Variants in CAT observed in about 807,000 individuals in gnomAD.
CAT encodes the protein catalase.
Under a neutral mutation model 59.0 loss-of-function variants are expected in CAT, and 43 were observed. The ratio of observed to expected loss-of-function variants is 0.73; its 90% CI spans 0.57 to 0.94. The LOEUF (loss-of-function observed/expected upper bound fraction) is 0.94, where lower values mean the gene tolerates loss of function less well. Among genes scored for constraint, CAT ranks in the 40% least tolerant of loss-of-function variants. The probability of loss-of-function intolerance (pLI) is 0.00; values close to 1 mark genes in which losing one functional copy is unlikely to be tolerated. For synonymous variants in CAT, 218 were observed against 230.9 expected, an observed-to-expected ratio of 0.94 and a Z score of 0.51; for missense variants, 664 against 682.9, an observed-to-expected ratio of 0.97 and a Z score of 0.31.
chr11:34,459,999 T>C (rs944295473), intron 8 of CAT, among the ~76,000 whole-genome samples: 1 of 152,240 alleles, frequency 6.6e-6, no homozygotes, highest in African/African-American at 2.4e-5. Context: ...ACACTGGGAC[T>C]GGATTAAGTC....
intron 1 of CAT, among the ~76,000 whole-genome samples, chr11:34,439,458 C>A (rs903605521): frequency 6.6e-6 from 1 of 152,104 alleles, no homozygotes; most frequent in Non-Finnish European, 1.5e-5. Context: ...TCTAATGGTG[C>A]CCTTCTTGAA....
rs1314774347 is a variant in CAT at position 34,452,181 on chromosome 11, A to G, written c.454A>G (p.Ile152Val). The G allele has an allele frequency of 1.9e-6, 3 of 1,613,518 alleles. No individual in the cohort carries two copies. Among genetic ancestry groups the G allele is most frequent in the African/African-American group, 1.3e-5 (1 of 74,788 alleles). ...NWDLVGNNTP[I>V]FFIRDPILFP... Reference sequence around the variant, plus strand: ...GGATCTCGTTGGAAATAACACCCCCATTTTCTTCATCAGGGATCCCATATT... The same window carrying G: ...GGATCTCGTTGGAAATAACACCCCCGTTTTCTTCATCAGGGATCCCATATT... The change falls in exon 4 of 13, where the codon ATT becomes GTT. Residue 152 changes from isoleucine to valine, a missense_variant. Transcript: ENST00000241052.
chr11:34,471,147 C>A, intron 12 of CAT, 106 bp downstream of exon 12: 1 of 1,007,620 alleles, frequency 9.9e-7, no homozygotes, highest in Non-Finnish European at 1.6e-6. Flanking sequence ...CATTACCTGC[C>A]ACTGTTAGAT....
intron 2 of CAT, among the ~76,000 whole-genome samples, chr11:34,449,876 G>C (rs1419250851): frequency 2.6e-5 from 4 of 152,218 alleles, no homozygotes; most frequent in African/African-American, 9.6e-5. Context: ...GCTTATTCCA[G>C]TTCAAGGTGG....
intron 2 of CAT, among the ~76,000 whole-genome samples, chr11:34,449,646 C>T (rs934332140): frequency 6.6e-6 from 1 of 152,172 alleles, no homozygotes; most frequent in African/African-American, 2.4e-5. Flanking sequence ...TCAATAGGTT[C>T]TTGGAAACTT....
At chr11:34,459,901 C>T (rs374640102) in intron 8 of CAT, among the ~76,000 whole-genome samples, 13 of 152,254 alleles carry the variant, frequency 8.5e-5, no homozygotes, top group African/African-American at 2.4e-4. Flanking sequence ...TGGTCATGGC[C>T]GCATGGCTAG....
rs982470388 is a variant in CAT, at chr11:34,462,661, AC to A, written c.1195+1275del. 6.6e-5 allele frequency among the ~76,000 whole-genome samples: 10 copies of A among 151,932 alleles called. 1 individual carries two copies. Among genetic ancestry groups the A allele is most frequent in the Admixed American group, 6.6e-4 (10 of 15,254 alleles). On this transcript the variant is annotated intron_variant, in intron 9 of 12. Transcript: ENST00000241052. Reference sequence around the variant, plus strand: ...CTGAACTCTTGACCTCAGGTGACCCACCCACTTTGGCCCCCCAAAGTGCTGA... The same window carrying A: ...CTGAACTCTTGACCTCAGGTGACCCACCACTTTGGCCCCCCAAAGTGCTGA...
intron 8 of CAT, among the ~76,000 whole-genome samples, chr11:34,457,152 G>A (rs1856600275): frequency 1.4e-5 from 2 of 146,154 alleles, no homozygotes; most frequent in African/African-American, 5.0e-5. Context: ...TGTAGCTGAA[G>A]TATGGTTAAT....
chr11:34,448,552 T>A (rs1436966251), intron 1 of CAT, among the ~76,000 whole-genome samples: 2 of 152,214 alleles, frequency 1.3e-5, no homozygotes, highest in Non-Finnish European at 2.9e-5. Context: ...TTTATTACAG[T>A]AAAATAACCT....
At chr11:34,450,101 G>A (rs1047805434) in intron 2 of CAT, among the ~76,000 whole-genome samples, 1 of 151,696 alleles carries the variant, frequency 6.6e-6, no homozygotes, top group East Asian at 2.0e-4. Context: ...ACAGATGGTG[G>A]CCTCAGCTAG....
At position 34,453,069 on chromosome 11, in the gene CAT, T is replaced by C. The variant is rs757932115; in HGVS notation, c.481-21T>C. The C allele has an allele frequency of 8.6e-6, 13 of 1,506,292 alleles. No individual in the cohort carries two copies. In the South Asian group the frequency reaches 1.4e-4, roughly 16 times the overall value. 93.3% of individuals were successfully genotyped at this position (1,506,292 alleles called of 1,614,324 possible). A position where few individuals can be genotyped will look rare whatever the true frequency, so the allele number is the denominator to read the frequency against. ...CTGTAAACTTAGTTTTTGGATTTTT[T>C]TCTCTCTTTTTTCTATTTAGTTTCC... On this transcript the variant is annotated intron_variant, in intron 4 of 12. Coordinates refer to ENST00000241052, the MANE Select transcript of CAT (RefSeq NM_001752.4).
At chr11:34,462,709 C>T (rs1025599948) in intron 9 of CAT, among the ~76,000 whole-genome samples, 7 of 152,152 alleles carry the variant, frequency 4.6e-5, no homozygotes, top group Non-Finnish European at 7.4e-5. Context: ...TGAGCCACCG[C>T]GCCTGGCTTG....
chr11:34,445,101 A>T (rs1590298732), intron 1 of CAT, among the ~76,000 whole-genome samples: 1 of 152,294 alleles, frequency 6.6e-6, no homozygotes, highest in African/African-American at 2.4e-5. Flanking sequence ...TGCATGCTGA[A>T]TCCACACACA....
Position 34,451,975 on chromosome 11 carries a change from G to A in CAT, c.350-102G>A, listed in dbSNP as rs905089400. On this transcript the variant is annotated intron_variant, in intron 3 of 12. Coordinates refer to ENST00000241052, the MANE Select transcript of CAT (RefSeq NM_001752.4). ...TAAATACCTAATTTAGTTCTTGGAA[G>A]TGGATTAGAAAGGATGGATCCAGGT... The A allele has an allele frequency of 1.8e-5, 23 of 1,259,032 alleles. No homozygotes were observed. The Admixed American group carries it at 2.1e-4, about 11-fold the overall frequency. The allele number at this position is 1,259,032 out of a possible 1,614,324, so 78.0% of individuals were successfully genotyped here.
At chr11:34,451,543 C>A (rs1856523327) in intron 3 of CAT, among the ~76,000 whole-genome samples, 1 of 152,162 alleles carries the variant, frequency 6.6e-6, no homozygotes, top group Non-Finnish European at 1.5e-5. Context: ...TGATGTTTCT[C>A]ACGTTACAGA....
At position 34,439,106 on chromosome 11, in the gene CAT, C is replaced by G. The variant is rs769855947; in HGVS notation, c.66+27C>G. On this transcript the variant is annotated intron_variant, in intron 1 of 12. Transcript: ENST00000241052. ...TACACTCTGTGCTCCCCGAGCGGGC[C>G]CGAAGGTCCGTTTAGAAAGCGGGGG... The G allele has an allele frequency of 7.1e-5, 111 of 1,562,032 alleles. 1 individual carries two copies. The South Asian group carries it at 1.3e-3, about 18-fold the overall frequency.
chr11:34,449,753 A>G (rs1037637848), intron 2 of CAT, among the ~76,000 whole-genome samples: 1 of 152,252 alleles, frequency 6.6e-6, no homozygotes. Context: ...TTGATAAAAC[A>G]TCATCAAACT....
At chr11:34,439,590 C>G (rs1239173568) in intron 1 of CAT, among the ~76,000 whole-genome samples, 1 of 152,134 alleles carries the variant, frequency 6.6e-6, no homozygotes, top group Non-Finnish European at 1.5e-5. Flanking sequence ...TATTAAACGA[C>G]TAAATAAAAG....
At chr11:34,463,932 C>A (rs1283210781) in intron 9 of CAT, among the ~76,000 whole-genome samples, 173 bp from the exon 10 acceptor site, 1 of 152,200 alleles carries the variant, frequency 6.6e-6, no homozygotes, top group African/African-American at 2.4e-5. Flanking sequence ...TTCATACTAC[C>A]TGTAGCTAAA....
Sources: gnomAD v4.1 joint callset for allele counts (sites outside exome capture counted in the v4.1 genomes callset) on GRCh38, gnomAD v4.1.1 for gene constraint, MANE v1.5 for transcripts, NCBI Gene and HGNC (gene_info 2026-07-23, HGNC 2026-07-21) for gene names.